The following HTR1F variants were observed in gnomAD, a reference collection of about 807,000 sequenced individuals.
HTR1F encodes 5-hydroxytryptamine (serotonin) receptor 1F, G protein-coupled.
Under a neutral mutation model 24.0 loss-of-function variants are expected in HTR1F, and 17 were observed. The ratio of observed to expected loss-of-function variants is 0.71; its 90% CI spans 0.48 to 1.06. HTR1F has a LOEUF of 1.06. Among genes scored for constraint, HTR1F ranks in the 50% least tolerant of loss-of-function variants. The pLI is 0.00. For missense variants in HTR1F, 391 were observed against 427.8 expected (o/e 0.91, Z 0.76); for synonymous variants, 186 against 156.8 (o/e 1.19, Z -1.39).
rs1705814023 is a variant in HTR1F, at chr3:87,991,089, C to A, written c.340C>A (p.Leu114Ile). ...ITCCTCSILH[L>I]SAIALDRYRA... ...CTGCTGCACGTGCTCCATCTTGCAT[C>A]TCTCAGCTATAGCTTTGGATCGGTA... The change falls in exon 3 of 3, where the codon CTC becomes ATC. Residue 114 changes from leucine to isoleucine, a missense_variant. Transcript: ENST00000319595. The A allele has an allele frequency of 4.3e-6, 7 of 1,613,948 alleles. No individual in the cohort carries two copies. Among genetic ancestry groups the A allele is most frequent in the Non-Finnish European group, 5.9e-6 (7 of 1,180,030 alleles).
intron 2 of HTR1F, among the ~76,000 whole-genome samples, chr3:87,893,234 A>C (rs1706122591): frequency 6.6e-6 from 1 of 152,180 alleles, no homozygotes; most frequent in Non-Finnish European, 1.5e-5. Flanking sequence ...AAACCTATCA[A>C]CTATAATTAA....
At chr3:87,956,925 A>G (rs1704956842) in intron 2 of HTR1F, among the ~76,000 whole-genome samples, 2 of 151,218 alleles carry the variant, frequency 1.3e-5, no homozygotes, top group African/African-American at 4.8e-5. Flanking sequence ...AGACAGTGTT[A>G]TCTTTTTTTT....
chr3:87,912,445 T>C (rs1286187181), intron 2 of HTR1F, among the ~76,000 whole-genome samples: 1 of 151,848 alleles, frequency 6.6e-6, no homozygotes, highest in African/African-American at 2.4e-5. Flanking sequence ...GGAAAAACAT[T>C]CCATGCTCAT....
chr3:87,870,631 G>C (rs1705533273), intron 2 of HTR1F, among the ~76,000 whole-genome samples: 1 of 152,026 alleles, frequency 6.6e-6, no homozygotes, highest in African/African-American at 2.4e-5. Context: ...GGCTGCCTGA[G>C]GAATTGGTTT....
intron 2 of HTR1F, among the ~76,000 whole-genome samples, chr3:87,916,325 A>C (rs977640091): frequency 1.4e-5 from 2 of 147,016 alleles, no homozygotes; most frequent in Non-Finnish European, 3.0e-5. Context: ...AAAAAAAAAA[A>C]AAACAAGGTA....
chr3:87,818,006 A>G (rs1252125279), intron 1 of HTR1F, among the ~76,000 whole-genome samples: 2 of 152,238 alleles, frequency 1.3e-5, no homozygotes, highest in Non-Finnish European at 2.9e-5. Flanking sequence ...TTAAGATTTA[A>G]TAAAAATAAA....
At chr3:87,916,278 T>C (rs1382172968) in intron 2 of HTR1F, among the ~76,000 whole-genome samples, 1 of 36,874 alleles carries the variant, frequency 2.7e-5, no homozygotes, top group Non-Finnish European at 6.0e-5. Context: ...ACAGGACCTA[T>C]AAAACAAAAA....
At chr3:87,955,367 G>C (rs576585286) in intron 2 of HTR1F, among the ~76,000 whole-genome samples, 1 of 151,610 alleles carries the variant, frequency 6.6e-6, no homozygotes, top group East Asian at 1.9e-4. Flanking sequence ...CATGTTGCAT[G>C]TATCAGTAGT....
chr3:87,937,379 T>C (rs541801832), intron 2 of HTR1F, among the ~76,000 whole-genome samples: 5 of 152,310 alleles, frequency 3.3e-5, no homozygotes, highest in African/African-American at 1.2e-4. Flanking sequence ...GACATGATTG[T>C]CTCAGTAGAT....
At chr3:87,888,257 T>G (rs7619960) in intron 2 of HTR1F, among the ~76,000 whole-genome samples, 67,752 of 151,866 alleles carry the variant, frequency 0.45, 18,723 homozygotes, top group African/African-American at 0.79. Flanking sequence ...CTCATAGGTG[T>G]GAATTGAACA....
intron 2 of HTR1F, among the ~76,000 whole-genome samples, chr3:87,866,815 C>T (rs1180130737): frequency 3.5e-4 from 35 of 99,126 alleles, no homozygotes; most frequent in African/African-American, 2.4e-3. Context: ...CACAAGTGTG[C>T]GTGCGTGTGT....
intron 2 of HTR1F, among the ~76,000 whole-genome samples, chr3:87,974,513 T>A (rs1025401): frequency 0.84 from 128,172 of 151,972 alleles, 54,699 homozygotes; most frequent in East Asian, 0.96. Context: ...TATGGCTGCT[T>A]GTATCTCTAC....
At chr3:87,913,663 A>G (rs554641938) in intron 2 of HTR1F, among the ~76,000 whole-genome samples, 146 of 152,242 alleles carry the variant, frequency 9.6e-4, no homozygotes, top group African/African-American at 3.5e-3. Context: ...CACAATAACA[A>G]AAAAAATGGA....
intron 2 of HTR1F, among the ~76,000 whole-genome samples, chr3:87,841,640 C>T (rs1704805215): frequency 6.6e-6 from 1 of 151,728 alleles, no homozygotes. Flanking sequence ...TGGCTCACGT[C>T]TGTAATCCCA....
intron 2 of HTR1F, among the ~76,000 whole-genome samples, chr3:87,961,007 C>A (rs1271016478): frequency 6.6e-6 from 1 of 151,570 alleles, no homozygotes; most frequent in Non-Finnish European, 1.5e-5. Context: ...GGTGCACACA[C>A]ACACACACAC....
chr3:87,886,175 G>C (rs1705937954), intron 2 of HTR1F, among the ~76,000 whole-genome samples: 1 of 152,120 alleles, frequency 6.6e-6, no homozygotes, highest in Non-Finnish European at 1.5e-5. Context: ...GTGATGCAAG[G>C]CTGGTTCAAC....
chr3:87,807,371 A>G (rs1015159576), intron 1 of HTR1F, among the ~76,000 whole-genome samples: 3 of 151,492 alleles, frequency 2.0e-5, no homozygotes, highest in Non-Finnish European at 4.4e-5. Flanking sequence ...GGTATTTTTT[A>G]TTTTTGTAGC....
At chr3:87,871,159 T>C (rs1705546713) in intron 2 of HTR1F, among the ~76,000 whole-genome samples, 2 of 151,572 alleles carry the variant, frequency 1.3e-5, no homozygotes, top group African/African-American at 4.8e-5. Context: ...GATAGAAACC[T>C]TAAAAATCAG....
intron 2 of HTR1F, among the ~76,000 whole-genome samples, chr3:87,957,656 C>A (rs1261498244): frequency 6.6e-6 from 1 of 151,136 alleles, no homozygotes; most frequent in African/African-American, 2.4e-5. Context: ...AGGAATTTGT[C>A]CATTTAATCT....
Sources: gnomAD v4.1 joint callset for allele counts (sites outside exome capture counted in the v4.1 genomes callset) on GRCh38, gnomAD v4.1.1 for gene constraint, MANE v1.5 for transcripts, NCBI Gene and HGNC (gene_info 2026-07-23, HGNC 2026-07-21) for gene names.